The following TCF12 variants were observed in gnomAD, a reference collection of about 807,000 sequenced individuals.
TCF12 encodes DNA-binding protein HTF4.
A neutral mutation model predicts 86.0 loss-of-function variants in TCF12; 45 were observed. The ratio of observed to expected loss-of-function variants is 0.52; its 90% CI spans 0.41 to 0.67. TCF12 has a LOEUF of 0.67. Ranked by LOEUF, TCF12 falls within the 30% of genes least tolerant of loss-of-function variation. The pLI is 0.00. For missense variants in TCF12, 881 were observed against 859.9 expected, an observed-to-expected ratio of 1.02 and a Z score of -0.31; for synonymous variants, 330 against 299.6, an observed-to-expected ratio of 1.10 and a Z score of -1.05.
At chr15:56,918,271 C>T (rs906052652), upstream of TCF12, 6 of 456,174 alleles carry the variant, frequency 1.3e-5, no homozygotes, top group East Asian at 2.8e-4. Context: ...ACCTGGGCAG[C>T]GGATCCAGAT....
chr15:57,263,990 C>T (rs1225932747), intron 18 of TCF12, among the ~76,000 whole-genome samples: 5 of 151,952 alleles, frequency 3.3e-5, no homozygotes, highest in African/African-American at 9.7e-5. Context: ...CTATTGTAGA[C>T]TTTACAGACA....
chr15:56,943,087 TC>T (rs1368909635), intron 3 of TCF12, among the ~76,000 whole-genome samples: 1 of 152,318 alleles, frequency 6.6e-6, no homozygotes, highest in East Asian at 1.9e-4. Flanking sequence ...GCAGAGGTTT[TC>T]CTCTGTTCAG....
intron 6 of TCF12, among the ~76,000 whole-genome samples, chr15:57,177,870 G>A (rs937294203): frequency 6.6e-6 from 1 of 151,544 alleles, no homozygotes; most frequent in South Asian, 2.1e-4. Context: ...CACCACAGTC[G>A]GCTAATTTTT....
chr15:57,124,941 G>C (rs1784959595), intron 5 of TCF12, among the ~76,000 whole-genome samples: 1 of 151,944 alleles, frequency 6.6e-6, no homozygotes, highest in African/African-American at 2.4e-5. Flanking sequence ...CAAAGTGCTG[G>C]GATTACAGGC....
chr15:57,057,856 C>T (rs1041318613), intron 3 of TCF12, among the ~76,000 whole-genome samples: 1 of 152,104 alleles, frequency 6.6e-6, no homozygotes, highest in Non-Finnish European at 1.5e-5. Flanking sequence ...ATAGCATCAA[C>T]GTTTTGTTTT....
At chr15:56,991,750 C>T (rs1286700099) in intron 3 of TCF12, among the ~76,000 whole-genome samples, 2 of 152,138 alleles carry the variant, frequency 1.3e-5, no homozygotes, top group African/African-American at 4.8e-5. Context: ...CTTCCAAATA[C>T]TCTTCTGTCA....
chr15:56,944,915 C>G (rs2060930531), intron 3 of TCF12, among the ~76,000 whole-genome samples: 1 of 152,056 alleles, frequency 6.6e-6, no homozygotes, highest in Non-Finnish European at 1.5e-5. Flanking sequence ...TTCTATTAAG[C>G]CTGCTGGGAT....
At chr15:57,270,017 A>G (rs910553848) in intron 18 of TCF12, among the ~76,000 whole-genome samples, 2 of 152,168 alleles carry the variant, frequency 1.3e-5, no homozygotes, top group Non-Finnish European at 2.9e-5. Context: ...ACCTTGGTGA[A>G]TCTGACAGTT....
intron 2 of TCF12, among the ~76,000 whole-genome samples, chr15:56,920,348 C>T (rs1180263846): frequency 6.6e-6 from 1 of 151,928 alleles, no homozygotes; most frequent in Non-Finnish European, 1.5e-5. Context: ...TTTTTTTCTT[C>T]AGTACTCCTC....
intron 3 of TCF12, among the ~76,000 whole-genome samples, chr15:56,933,248 A>T (rs967855318): frequency 1.3e-5 from 2 of 152,256 alleles, no homozygotes; most frequent in African/African-American, 4.8e-5. Flanking sequence ...AACATACAGA[A>T]GATACTTTAA....
intron 3 of TCF12, among the ~76,000 whole-genome samples, chr15:57,056,211 G>C (rs1596323120): frequency 6.6e-6 from 1 of 151,210 alleles, no homozygotes; most frequent in Non-Finnish European, 1.5e-5. Context: ...TACAATCTCA[G>C]CTCACTGTAA....
At chr15:57,108,209 T>C (rs1032464461) in intron 5 of TCF12, among the ~76,000 whole-genome samples, 17 of 151,962 alleles carry the variant, frequency 1.1e-4, no homozygotes, top group Admixed American at 2.0e-4. Context: ...TAAGAAGACA[T>C]ATAGATGTGT....
chr15:57,142,591 T>C (rs549911941), intron 5 of TCF12, among the ~76,000 whole-genome samples: 4 of 152,390 alleles, frequency 2.6e-5, no homozygotes, highest in East Asian at 1.9e-4. Flanking sequence ...TATGCTGATA[T>C]ATAAATTATG....
intron 8 of TCF12, among the ~76,000 whole-genome samples, chr15:57,207,663 G>A (rs1014836260): frequency 1.3e-5 from 2 of 151,968 alleles, no homozygotes; most frequent in African/African-American, 2.4e-5. Flanking sequence ...GGCAACAAAA[G>A]TAAAACTCCG....
intron 6 of TCF12, among the ~76,000 whole-genome samples, 165 bp downstream of exon 6, chr15:57,166,631 C>T (rs1211962182): frequency 1.3e-5 from 2 of 152,064 alleles, no homozygotes; most frequent in Admixed American, 1.3e-4. Flanking sequence ...GTTTCAGTTC[C>T]CCAGTTTACC....
At chr15:57,055,028 A>G (rs1384003287) in intron 3 of TCF12, among the ~76,000 whole-genome samples, 1 of 152,010 alleles carries the variant, frequency 6.6e-6, no homozygotes, top group Non-Finnish European at 1.5e-5. Context: ...TTTTGAAGAC[A>G]TTAAAGGAAA....
At chr15:57,006,441 A>G (rs1438222476) in intron 3 of TCF12, among the ~76,000 whole-genome samples, 1 of 149,612 alleles carries the variant, frequency 6.7e-6, no homozygotes, top group African/African-American at 2.4e-5. Flanking sequence ...AGTAGCTGGG[A>G]TTACAGGCGC....
intron 3 of TCF12, among the ~76,000 whole-genome samples, chr15:57,049,168 G>A (rs7171304): frequency 0.24 from 37,222 of 152,014 alleles, 5,355 homozygotes; most frequent in East Asian, 0.4. Flanking sequence ...TGTCATCCCA[G>A]CTCCAGAACT....
At chr15:57,172,944 T>TAAA (rs113797415) in intron 6 of TCF12, among the ~76,000 whole-genome samples, 4 of 137,224 alleles carry the variant, frequency 2.9e-5, no homozygotes, top group Admixed American at 1.5e-4. Flanking sequence ...CTATTAAAAT[T>TAAA]AAAAAAAAAA....
Sources: gnomAD v4.1 joint callset for allele counts (sites outside exome capture counted in the v4.1 genomes callset) on GRCh38, gnomAD v4.1.1 for gene constraint, MANE v1.5 for transcripts, NCBI Gene and HGNC (gene_info 2026-07-23, HGNC 2026-07-21) for gene names.